The following MAMLD1 variants were observed in gnomAD, a reference collection of about 807,000 sequenced individuals.
The protein encoded by MAMLD1 is mastermind like domain containing 1, also known as mastermind-like domain-containing protein 1.
MAMLD1 carries 14 observed loss-of-function variants against 45.0 expected under a neutral mutation model. The observed-to-expected ratio is 0.31, with a 90% CI of 0.21 to 0.49. The LOEUF (loss-of-function observed/expected upper bound fraction) is 0.49, where lower values mean the gene tolerates loss of function less well. Among genes scored for constraint, MAMLD1 ranks in the 20% least tolerant of loss-of-function variants. The probability of loss-of-function intolerance (pLI) is 0.99; values close to 1 mark genes in which losing one functional copy is unlikely to be tolerated. For missense variants in MAMLD1, 543 were observed against 603.6 expected, an observed-to-expected ratio of 0.90 and a Z score of 1.05; for synonymous variants, 254 against 247.8, an observed-to-expected ratio of 1.02 and a Z score of -0.24.
intron 3 of MAMLD1, among the ~76,000 whole-genome samples, chrX:150,469,283 A>G (rs1557406147): frequency 8.9e-6 from 1 of 112,309 alleles, no homozygotes; most frequent in Non-Finnish European, 1.9e-5. Flanking sequence ...AGCTACTTCT[A>G]GTTTTCTCTC....
At chrX:150,434,603 A>G (rs1291453798) in intron 1 of MAMLD1, among the ~76,000 whole-genome samples, 1 of 111,844 alleles carries the variant, frequency 8.9e-6, no homozygotes, top group Non-Finnish European at 1.9e-5. Flanking sequence ...GGATTCTGGT[A>G]TGTTGTATCT....
chrX:150,464,610 C>G lies in MAMLD1; in HGVS notation c.171+1764C>G, dbSNP rs189254857. Reference sequence around the variant, plus strand: ...GCAAACATATTCATTCTGTCTTTCTCTCCTCCTCGCTCTCACTCTCTCTCT... The same window carrying G: ...GCAAACATATTCATTCTGTCTTTCTGTCCTCCTCGCTCTCACTCTCTCTCT... On this transcript the variant is annotated intron_variant, in intron 3 of 7. Transcript: ENST00000370401. Among the ~76,000 whole-genome samples, 9 of 112,178 alleles carry G rather than the reference C, an allele frequency of 8.0e-5. No homozygotes were observed. The East Asian group carries it at 1.7e-3, about 21-fold the overall frequency.
At chrX:150,451,569 C>A (rs140653925) in intron 2 of MAMLD1, among the ~76,000 whole-genome samples, 236 of 111,753 alleles carry the variant, frequency 2.1e-3, no homozygotes, top group Non-Finnish European at 3.3e-3. Context: ...GTGCTGCATT[C>A]CAGACTTCTG....
intron 3 of MAMLD1, among the ~76,000 whole-genome samples, chrX:150,464,580 CA>C (rs1438910880): frequency 1.8e-5 from 2 of 112,368 alleles, no homozygotes; most frequent in Non-Finnish European, 3.8e-5. Context: ...ATCCCATGTG[CA>C]AATGCAAACA....
At chrX:150,452,941 A>G (rs1236517930) in intron 2 of MAMLD1, among the ~76,000 whole-genome samples, 1 of 110,993 alleles carries the variant, frequency 9.0e-6, no homozygotes, top group South Asian at 3.9e-4. Context: ...GCTTCGGAGC[A>G]CCTGAGAACG....
chrX:150,451,500 G>C (rs658680), intron 2 of MAMLD1, among the ~76,000 whole-genome samples: 36,736 of 110,413 alleles, frequency 0.33, 4,880 homozygotes, highest in East Asian at 0.8. Context: ...ATCCACAGCT[G>C]GAAAGCCCAA....
chrX:150,416,572 C>T (rs1032248237), intron 1 of MAMLD1, among the ~76,000 whole-genome samples: 2 of 111,700 alleles, frequency 1.8e-5, no homozygotes, highest in Non-Finnish European at 1.9e-5. Flanking sequence ...TGCTTGTATG[C>T]GTTTGGTTGC....
At chrX:150,479,983 G>C (rs1312159093) in intron 5 of MAMLD1, among the ~76,000 whole-genome samples, 2 of 111,325 alleles carry the variant, frequency 1.8e-5, no homozygotes. Flanking sequence ...TTCCATCCAG[G>C]TGAGCAAAGG....
intron 2 of MAMLD1, among the ~76,000 whole-genome samples, chrX:150,462,335 A>G (rs1557405659): frequency 1.1e-4 from 12 of 112,120 alleles, no homozygotes; most frequent in Non-Finnish European, 1.9e-5. Flanking sequence ...TATGACTGAC[A>G]TAAAGCAGAG....
chrX:150,430,847 T>A (rs781992402), intron 1 of MAMLD1, among the ~76,000 whole-genome samples: 1 of 112,610 alleles, frequency 8.9e-6, no homozygotes, highest in African/African-American at 3.2e-5. Flanking sequence ...TACTGCACAG[T>A]CTTGATTAAT....
chrX:150,367,698 G>A (rs868987294), intron 1 of MAMLD1, among the ~76,000 whole-genome samples: 60 of 110,424 alleles, frequency 5.4e-4, no homozygotes, highest in Middle Eastern at 4.7e-3. Context: ...TCCTAATGCT[G>A]TCCCTCCCTC....
At chrX:150,503,206 A>G in intron 5 of MAMLD1, 68 bp from the exon 6 acceptor site, 1 of 974,564 alleles carries the variant, frequency 1.0e-6, no homozygotes. Flanking sequence ...CACTCAGGGC[A>G]GTGACAAGAT....
intron 1 of MAMLD1, among the ~76,000 whole-genome samples, chrX:150,426,492 C>T (rs1211382197): frequency 8.9e-6 from 1 of 112,426 alleles, no homozygotes; most frequent in Non-Finnish European, 1.9e-5. Context: ...GCTTCTTCTC[C>T]ATTCCCATAT....
intron 3 of MAMLD1, among the ~76,000 whole-genome samples, chrX:150,465,575 T>A (rs1236392900): frequency 1.8e-5 from 2 of 112,339 alleles, no homozygotes; most frequent in Admixed American, 1.9e-4. Flanking sequence ...GGAATTCGTT[T>A]CTAAAAGATG....
intron 1 of MAMLD1, among the ~76,000 whole-genome samples, chrX:150,416,797 A>G (rs998266116): frequency 8.9e-6 from 1 of 112,243 alleles, no homozygotes; most frequent in Non-Finnish European, 1.9e-5. Context: ...TGGTTCCAAG[A>G]ATGGAGATAA....
At chrX:150,395,407 C>T (rs1419140199) in intron 1 of MAMLD1, among the ~76,000 whole-genome samples, 4 of 111,153 alleles carry the variant, frequency 3.6e-5, no homozygotes, top group African/African-American at 1.3e-4. Context: ...CTTGTAATGT[C>T]TTTGTCTGGT....
intron 3 of MAMLD1, among the ~76,000 whole-genome samples, chrX:150,467,697 G>A (rs782804707): frequency 8.9e-6 from 1 of 112,766 alleles, no homozygotes; most frequent in African/African-American, 3.2e-5. Context: ...ACATGGCGAA[G>A]GCAGTGGGTC....
Position 150,513,131 on chromosome X carries a change from C to T in MAMLD1, c.*1172C>T. The T allele has an allele frequency of 2.1e-6, 2 of 971,256 alleles. No homozygotes were observed. Among genetic ancestry groups the T allele is most frequent in the African/African-American group, 1.9e-5 (1 of 52,404 alleles). 80.0% of individuals were successfully genotyped at this position (971,256 alleles called of 1,213,427 possible). A position where few individuals can be genotyped will look rare whatever the true frequency, so the allele number is the denominator to read the frequency against. On this transcript the variant is annotated 3_prime_UTR_variant, in exon 8 of 8. Transcript: ENST00000370401. ...GTGACATCACTCTAGGAAGTGGTGT[C>T]GATCCATACCCGCAGTTGTCTCCCG...
chrX:150,483,182 A>G (rs2036876843), intron 5 of MAMLD1, among the ~76,000 whole-genome samples: 1 of 112,370 alleles, frequency 8.9e-6, no homozygotes, highest in Non-Finnish European at 1.9e-5. Flanking sequence ...CCTCTGACCA[A>G]TGCCAAAATG....
Sources: gnomAD v4.1 joint callset for allele counts (sites outside exome capture counted in the v4.1 genomes callset) on GRCh38, gnomAD v4.1.1 for gene constraint, MANE v1.5 for transcripts, NCBI Gene and HGNC (gene_info 2026-07-23, HGNC 2026-07-21) for gene names.